The following AKAP6 variants were observed in gnomAD, a reference collection of about 807,000 sequenced individuals.
The protein encoded by AKAP6 is A-kinase anchoring protein 6.
A neutral mutation model predicts 188.5 loss-of-function variants in AKAP6; 58 were observed. The observed-to-expected ratio is 0.31, with a 90% CI of 0.25 to 0.38. The LOEUF (loss-of-function observed/expected upper bound fraction) is 0.38. AKAP6 is among the 10% of genes least tolerant of loss of function. The pLI is 1.00. For missense variants in AKAP6, 2,710 were observed against 2,740.0 expected (o/e 0.99, Z 0.24); for synonymous variants, 989 against 998.6 (o/e 0.99, Z 0.18).
chr14:32,575,217 C>A (rs1274338976), intron 4 of AKAP6, among the ~76,000 whole-genome samples: 1 of 152,072 alleles, frequency 6.6e-6, no homozygotes, highest in African/African-American at 2.4e-5. Context: ...GGCGAAAGAA[C>A]AGACAAACTG....
At position 32,823,807 on chromosome 14, in the gene AKAP6, C is replaced by A; in HGVS notation, c.5994C>A (p.Asp1998Glu). ...AAACCAGGTTTAACAACAGACAAGA[C>A]TCTGATGCACTGAAATCATCTGATG... ...ALETRFNNRQ[D>E]SDALKSSDDA... The change falls in exon 13 of 14, where the codon GAC becomes GAA. Residue 1998 changes from aspartate (D) to glutamate (E), a missense_variant. This residue lies in a region of AKAP6 where 2,473 missense variants were observed against 2,426.1 expected (regional missense o/e 1.02). Coordinates refer to ENST00000280979, the MANE Select transcript of AKAP6 (RefSeq NM_004274.5). 6.2e-7 allele frequency: 1 copy of A among 1,613,520 alleles called. No homozygotes were observed. The highest frequency in any genetic ancestry group is 8.5e-7 in the Non-Finnish European group (1 of 1,179,914).
intron 2 of AKAP6, among the ~76,000 whole-genome samples, chr14:32,482,246 T>G (rs1271186596): frequency 6.6e-6 from 1 of 152,222 alleles, no homozygotes; most frequent in African/African-American, 2.4e-5. Context: ...GTTCTTGCAA[T>G]GGCTCTGTGT....
intron 5 of AKAP6, among the ~76,000 whole-genome samples, chr14:32,593,443 A>G (rs892453581): frequency 1.1e-4 from 16 of 152,290 alleles, no homozygotes; most frequent in East Asian, 7.8e-4. Context: ...AATTCCTTAC[A>G]AGAAATGTTG....
intron 7 of AKAP6, among the ~76,000 whole-genome samples, chr14:32,665,935 G>A (rs948352382): frequency 5.3e-5 from 8 of 152,244 alleles, no homozygotes; most frequent in African/African-American, 1.9e-4. Context: ...ACATGTAGTG[G>A]GGAGCCTTTG....
At chr14:32,737,829 GA>G (rs1193212234) in intron 11 of AKAP6, among the ~76,000 whole-genome samples, 3 of 152,148 alleles carry the variant, frequency 2.0e-5, no homozygotes, top group South Asian at 4.1e-4. Context: ...ATATGAAAAG[GA>G]AAACCCATAG....
At chr14:32,487,955 C>A (rs1349791881) in intron 2 of AKAP6, among the ~76,000 whole-genome samples, 2 of 152,194 alleles carry the variant, frequency 1.3e-5, no homozygotes, top group Non-Finnish European at 2.9e-5. Flanking sequence ...AGCTGGAGCT[C>A]TCCTGTATGA....
At chr14:32,536,156 C>A (rs927488429) in intron 3 of AKAP6, among the ~76,000 whole-genome samples, 9 of 152,204 alleles carry the variant, frequency 5.9e-5, no homozygotes, top group African/African-American at 2.2e-4. Context: ...TTTCTGTCTT[C>A]AAGTAGCTTT....
intron 7 of AKAP6, among the ~76,000 whole-genome samples, chr14:32,634,031 C>T (rs1887387425): frequency 6.6e-6 from 1 of 152,078 alleles, no homozygotes; most frequent in African/African-American, 2.4e-5. Flanking sequence ...CACACAGCCT[C>T]CATCACTAGT....
chr14:32,532,585 C>T (rs1882471965), intron 2 of AKAP6, among the ~76,000 whole-genome samples: 1 of 152,098 alleles, frequency 6.6e-6, no homozygotes, highest in South Asian at 2.1e-4. Context: ...TTTCGTGGTG[C>T]CAAGTCTCTA....
At chr14:32,361,627 G>A (rs1225138178) in intron 1 of AKAP6, among the ~76,000 whole-genome samples, 1 of 152,056 alleles carries the variant, frequency 6.6e-6, no homozygotes, top group Non-Finnish European at 1.5e-5. Flanking sequence ...TTCCTGTAGG[G>A]GATATTTCTA....
chr14:32,826,033 A>C (rs970050906), intron 13 of AKAP6, among the ~76,000 whole-genome samples: 1 of 152,194 alleles, frequency 6.6e-6, no homozygotes, highest in Non-Finnish European at 1.5e-5. Context: ...TTATGAAAAA[A>C]GTTACTATTT....
At chr14:32,704,946 C>T (rs1890752293) in intron 9 of AKAP6, among the ~76,000 whole-genome samples, 1 of 152,150 alleles carries the variant, frequency 6.6e-6, no homozygotes, top group Admixed American at 6.5e-5. Context: ...GAATGTGGGG[C>T]TAAAAGGTAC....
Position 32,431,218 on chromosome 14 carries a change from G to A in AKAP6, c.-34-2242G>A, listed in dbSNP as rs73259247. Among the ~76,000 whole-genome samples the A allele has an allele frequency of 5.2e-3, 789 of 152,116 alleles. 4 individuals are homozygous for A. Among genetic ancestry groups the A allele is most frequent in the African/African-American group, 0.018 (761 of 41,518 alleles). Reference sequence around the variant, plus strand: ...GTTTTATCCCTCTCAGTGAAATTTTGTTATCTTCTGATTGTTTTTTGTTTT... The same window carrying A: ...GTTTTATCCCTCTCAGTGAAATTTTATTATCTTCTGATTGTTTTTTGTTTT... On this transcript the variant is annotated intron_variant, in intron 1 of 13. Transcript: ENST00000280979.
chr14:32,522,506 A>G (rs1207661290), intron 2 of AKAP6, among the ~76,000 whole-genome samples: 1 of 152,158 alleles, frequency 6.6e-6, no homozygotes, highest in Non-Finnish European at 1.5e-5. Context: ...AAATCAAACA[A>G]CCCCAACAAA....
chr14:32,560,788 C>A (rs1478675999), intron 4 of AKAP6, among the ~76,000 whole-genome samples: 1 of 152,090 alleles, frequency 6.6e-6, no homozygotes, highest in African/African-American at 2.4e-5. Flanking sequence ...TATTCTTTAT[C>A]TTTAATCCCG....
intron 1 of AKAP6, among the ~76,000 whole-genome samples, chr14:32,375,045 TA>T (rs1159089504): frequency 6.6e-6 from 1 of 152,096 alleles, no homozygotes; most frequent in East Asian, 1.9e-4. Context: ...TTCATAAATC[TA>T]AATGAGAGGT....
At chr14:32,693,488 T>G (rs1472196355) in intron 8 of AKAP6, 1 of 152,226 alleles carries the variant, frequency 6.6e-6, no homozygotes, top group African/African-American at 2.4e-5. Context: ...TCTCTCTCTG[T>G]CTACAACATC....
At chr14:32,784,793 G>C (rs1419422847) in intron 12 of AKAP6, among the ~76,000 whole-genome samples, 1 of 152,182 alleles carries the variant, frequency 6.6e-6, no homozygotes, top group Non-Finnish European at 1.5e-5. Flanking sequence ...GGACGCAGGC[G>C]TATCTGACTC....
rs183499475 is a variant in AKAP6, at chr14:32,443,306, T to C, written c.324+9489T>C. Among the ~76,000 whole-genome samples the C allele has an allele frequency of 3.3e-3, 496 of 151,918 alleles. 4 individuals carry two copies. Among genetic ancestry groups the C allele is most frequent in the African/African-American group, 0.011 (473 of 41,440 alleles). On this transcript the variant is annotated intron_variant, in intron 2 of 13. Transcript: ENST00000280979. ...CTACTCAGGAGGCTGAGGCAGAGAATTGCTTGAACTTGAGAGATGGAGGTT... is the reference window on the plus strand; with the variant it reads ...CTACTCAGGAGGCTGAGGCAGAGAACTGCTTGAACTTGAGAGATGGAGGTT...
Sources: gnomAD v4.1 joint callset for allele counts (sites outside exome capture counted in the v4.1 genomes callset) on GRCh38, gnomAD v4.1.1 for gene constraint, gnomAD v4.1.1 regional missense constraint, MANE v1.5 for transcripts, NCBI Gene and HGNC (gene_info 2026-07-23, HGNC 2026-07-21) for gene names.